Variants in ACMSD observed in about 807,000 individuals in gnomAD.
ACMSD encodes 2-amino-3-carboxymuconate-6-semialdehyde decarboxylase.
A neutral mutation model predicts 45.9 loss-of-function variants in ACMSD; 37 were observed. The ratio of observed to expected loss-of-function variants is 0.81; its 90% CI spans 0.62 to 1.06. The LOEUF (loss-of-function observed/expected upper bound fraction) is 1.06. Among genes scored for constraint, ACMSD ranks in the 50% least tolerant of loss-of-function variants. The probability of loss-of-function intolerance (pLI) is 0.00; values close to 1 mark genes in which losing one functional copy is unlikely to be tolerated. For synonymous variants in ACMSD, 138 were observed against 148.8 expected (o/e 0.93, Z 0.53); for missense variants, 434 against 420.9 (o/e 1.03, Z -0.27).
intron 8 of ACMSD, among the ~76,000 whole-genome samples, chr2:134,894,893 G>A (rs1690005360): frequency 6.6e-6 from 1 of 152,032 alleles, no homozygotes; most frequent in African/African-American, 2.4e-5. Context: ...AGCTTAGAGA[G>A]TACAAGATAA....
At chr2:134,853,509 A>G (rs2104834553) in intron 2 of ACMSD, among the ~76,000 whole-genome samples, 1 of 152,274 alleles carries the variant, frequency 6.6e-6, no homozygotes, top group African/African-American at 2.4e-5. Context: ...TGCTCCCATT[A>G]CTTGGTTATT....
intron 6 of ACMSD, among the ~76,000 whole-genome samples, chr2:134,868,355 A>C (rs906576602): frequency 9.2e-5 from 14 of 152,170 alleles, no homozygotes; most frequent in African/African-American, 3.4e-4. Flanking sequence ...GATAGAGAAC[A>C]GATGTAAAAT....
At chr2:134,898,030 A>G (rs971090920) in intron 8 of ACMSD, among the ~76,000 whole-genome samples, 1 of 151,450 alleles carries the variant, frequency 6.6e-6, no homozygotes, top group African/African-American at 2.4e-5. Context: ...ATCTGAATAT[A>G]TATATTTTAG....
chr2:134,893,152 T>C (rs1454255068), intron 8 of ACMSD, among the ~76,000 whole-genome samples: 1 of 152,108 alleles, frequency 6.6e-6, no homozygotes, highest in Non-Finnish European at 1.5e-5. Flanking sequence ...TGTCTTCCTC[T>C]TGTCTCTTGT....
At chr2:134,888,141 T>G (rs892859172) in intron 8 of ACMSD, among the ~76,000 whole-genome samples, 10 of 152,092 alleles carry the variant, frequency 6.6e-5, no homozygotes, top group African/African-American at 2.4e-4. Context: ...AGGACTTATA[T>G]CCAAAATTTA....
chr2:134,845,287 T>C lies in ACMSD; in HGVS notation c.102+10T>C. On this transcript the variant is annotated intron_variant, in intron 2 of 9. Transcript: ENST00000356140. ...CCAACACCACAGCAAGGTGAGTTTC[T>C]TCCAAAGTATGAACATCAGTAGCAC... is the stretch of plus-strand genomic sequence containing the variant. 1.9e-6 allele frequency: 3 copies of C among 1,614,086 alleles called. No individual in the cohort carries two copies. The highest frequency in any genetic ancestry group is 2.5e-6 in the Non-Finnish European group (3 of 1,179,980).
intron 8 of ACMSD, among the ~76,000 whole-genome samples, chr2:134,875,503 T>C (rs144662743): frequency 5.9e-5 from 9 of 152,362 alleles, no homozygotes; most frequent in African/African-American, 1.9e-4. Context: ...AGTATTTAAA[T>C]GGCATAATCT....
At chr2:134,857,269 C>G (rs9653175) in intron 2 of ACMSD, among the ~76,000 whole-genome samples, 2 of 151,730 alleles carry the variant, frequency 1.3e-5, no homozygotes, top group Non-Finnish European at 2.9e-5. Context: ...GAAACCCCGT[C>G]TCTACTAAAA....
At chr2:134,881,777 C>T (rs1376353210) in intron 8 of ACMSD, among the ~76,000 whole-genome samples, 1 of 152,112 alleles carries the variant, frequency 6.6e-6, no homozygotes, top group Admixed American at 6.6e-5. Context: ...CACTTGAGGT[C>T]AGGAGTTCAA....
At chr2:134,880,154 C>A (rs1418259444) in intron 8 of ACMSD, among the ~76,000 whole-genome samples, 3 of 152,156 alleles carry the variant, frequency 2.0e-5, no homozygotes, top group Non-Finnish European at 4.4e-5. Context: ...ATTTTAAAGT[C>A]ATTGTTCCAT....
intron 8 of ACMSD, among the ~76,000 whole-genome samples, chr2:134,887,084 T>A (rs1689504485): frequency 6.6e-6 from 1 of 152,174 alleles, no homozygotes; most frequent in African/African-American, 2.4e-5. Flanking sequence ...GAGCAATTTT[T>A]AAAAATCTAA....
intron 1 of ACMSD, among the ~76,000 whole-genome samples, chr2:134,841,837 T>C (rs3739029): frequency 0.53 from 80,318 of 152,098 alleles, 22,528 homozygotes; most frequent in East Asian, 0.89. Context: ...CACCTTCTTT[T>C]GTTAGCAATT....
rs60233157 is a variant in ACMSD, at chr2:134,860,856, C to CAAAAAAAAAA, written c.200-1098_200-1089dup. ...GAAACACAGTGAGACCCTGTCTCCA[C>CAAAAAAAAAA]AAAAAAAAAAAAAAAAAAAAAAAAT... On this transcript the variant is annotated intron_variant, in intron 3 of 9. Coordinates refer to ENST00000356140, the MANE Select transcript of ACMSD (RefSeq NM_138326.3). Among the ~76,000 whole-genome samples the CAAAAAAAAAA allele has an allele frequency of 1.6e-3, 119 of 72,446 alleles. 3 individuals carry two copies. Among genetic ancestry groups the CAAAAAAAAAA allele is most frequent in the Non-Finnish European group, 2.1e-3 (77 of 37,558 alleles). 47.5% of individuals were successfully genotyped at this position (72,446 alleles called of 152,430 possible). A position where few individuals can be genotyped will look rare whatever the true frequency, so the allele number is the denominator to read the frequency against.
rs982560008 is a variant in ACMSD at position 134,851,300 on chromosome 2, AT to A, written c.102+6026del. Among the ~76,000 whole-genome samples, 18 of 152,294 alleles carry A rather than the reference AT, an allele frequency of 1.2e-4. No homozygotes were observed. The East Asian group carries it at 1.5e-3, about 13-fold the overall frequency. ...GTGCATGTGTCTTTTTGGTAGGACAATTTATTTTCCTCTGGATATATACCCA... is the reference window on the plus strand; with the variant it reads ...GTGCATGTGTCTTTTTGGTAGGACAATTATTTTCCTCTGGATATATACCCA... On this transcript the variant is annotated intron_variant, in intron 2 of 9. Coordinates refer to ENST00000356140, the MANE Select transcript of ACMSD (RefSeq NM_138326.3).
intron 8 of ACMSD, among the ~76,000 whole-genome samples, chr2:134,874,551 T>C (rs1346017502): frequency 2.0e-5 from 3 of 152,174 alleles, no homozygotes; most frequent in East Asian, 1.9e-4. Context: ...GGGAGGTCTC[T>C]AGAAAGAAAA....
intron 8 of ACMSD, among the ~76,000 whole-genome samples, chr2:134,885,382 ATATG>A (rs1278949569): frequency 9.6e-6 from 1 of 104,014 alleles, no homozygotes; most frequent in Non-Finnish European, 1.8e-5. Context: ...TATATAATAT[ATATG>A]TAAATATATA....
rs750911968 is a variant in ACMSD, at chr2:134,898,340, G to C, written c.850-1G>C. On this transcript the variant is annotated splice_acceptor_variant, in intron 8 of 9. Transcript: ENST00000356140. LOFTEE classifies it high-confidence loss of function. ...AGAGAAATATATATTTTGTTTTTTAGGATAAAGTCATTTTGGGAACCGATT... is the reference window on the plus strand; with the variant it reads ...AGAGAAATATATATTTTGTTTTTTACGATAAAGTCATTTTGGGAACCGATT... The C allele has an allele frequency of 1.3e-6, 2 of 1,574,018 alleles. No homozygotes were observed. The highest frequency in any genetic ancestry group is 1.7e-6 in the Non-Finnish European group (2 of 1,163,676).
chr2:134,901,300 C>A (rs927702281), intron 9 of ACMSD, among the ~76,000 whole-genome samples: 1 of 152,102 alleles, frequency 6.6e-6, no homozygotes, highest in Non-Finnish European at 1.5e-5. Context: ...TTAAGATGTA[C>A]GGATTTGTAC....
chr2:134,881,240 A>G (rs1328297352), intron 8 of ACMSD, among the ~76,000 whole-genome samples: 2 of 152,228 alleles, frequency 1.3e-5, no homozygotes, highest in Non-Finnish European at 2.9e-5. Flanking sequence ...ACCTCAGGTG[A>G]TCTGCCTGCC....
Sources: gnomAD v4.1 joint callset for allele counts (sites outside exome capture counted in the v4.1 genomes callset) on GRCh38, gnomAD v4.1.1 for gene constraint, MANE v1.5 for transcripts, NCBI Gene and HGNC (gene_info 2026-07-23, HGNC 2026-07-21) for gene names.